The following SHC3 variants were observed in gnomAD, a reference collection of about 807,000 sequenced individuals.
SHC3 encodes the protein SHC-transforming protein 3.
Under a neutral mutation model 60.4 loss-of-function variants are expected in SHC3, and 15 were observed. That is an observed-to-expected ratio of 0.25 (90% CI 0.17 to 0.38). The LOEUF is 0.38. Ranked by LOEUF, SHC3 falls within the 10% of genes least tolerant of loss-of-function variation. The pLI is 1.00. For synonymous variants in SHC3, 294 were observed against 325.9 expected (o/e 0.90, Z 1.05); for missense variants, 677 against 786.1 (o/e 0.86, Z 1.66).
In SHC3 at chr9:89,010,354, A is replaced by C. The variant is rs1825999117; in HGVS notation, c.*3093T>G. On this transcript the variant is annotated 3_prime_UTR_variant, in exon 12 of 12. Coordinates refer to ENST00000375835, the MANE Select transcript of SHC3 (RefSeq NM_016848.6). The stretch of plus-strand genomic sequence containing the variant: ...CTCAGAGGCAGCCTTGGAGGTCAAG[A>C]ATCAAAGCTGACTTAAACCACAATG... The C allele has an allele frequency of 6.6e-6, 1 of 152,232 alleles. No homozygotes were observed. The highest frequency in any genetic ancestry group is 2.4e-5 in the African/African-American group (1 of 41,464). The allele number at this position is 152,232 out of a possible 1,614,324, so 9.4% of individuals were successfully genotyped here. A position where few individuals can be genotyped will look rare whatever the true frequency, so the allele number is the denominator to read the frequency against.
chr9:89,168,594 G>A (rs1156685007), intron 1 of SHC3, among the ~76,000 whole-genome samples: 1 of 152,056 alleles, frequency 6.6e-6, no homozygotes, highest in East Asian at 1.9e-4. Flanking sequence ...ATCCCTACAA[G>A]TGGTTCAGGT....
At chr9:89,042,856 G>A (rs180732562) in intron 9 of SHC3, among the ~76,000 whole-genome samples, 101 of 152,206 alleles carry the variant, frequency 6.6e-4, no homozygotes, top group African/African-American at 2.4e-3. Context: ...GAGACCTAGT[G>A]TGAAAGACCT....
In SHC3 at chr9:89,010,708, C is replaced by A. The variant is rs1472149974; in HGVS notation, c.*2739G>T. On this transcript the variant is annotated 3_prime_UTR_variant, in exon 12 of 12. Coordinates refer to ENST00000375835, the MANE Select transcript of SHC3 (RefSeq NM_016848.6). ...GGCCTAATGCCATTCCCGCTGCGTT[C>A]ATTGTTCAGCTTCCCTGCCCTGCCC... 1.3e-5 allele frequency: 2 copies of A among 152,438 alleles called. No individual in the cohort carries two copies. Among genetic ancestry groups the A allele is most frequent in the African/African-American group, 2.4e-5 (1 of 41,482 alleles). 9.4% of individuals were successfully genotyped at this position (152,438 alleles called of 1,614,324 possible).
At chr9:89,117,648 T>C (rs1038576660) in intron 1 of SHC3, among the ~76,000 whole-genome samples, 16 of 152,174 alleles carry the variant, frequency 1.1e-4, no homozygotes, top group African/African-American at 3.9e-4. Context: ...AATAATCATA[T>C]ATGTTGGTCA....
chr9:89,127,218 A>G (rs1281638125), intron 1 of SHC3, among the ~76,000 whole-genome samples: 1 of 152,036 alleles, frequency 6.6e-6, no homozygotes, highest in Middle Eastern at 3.2e-3. Flanking sequence ...CATTTTTTAA[A>G]TTCTCTTCCC....
In SHC3 at chr9:89,013,369, A is replaced by C. The variant is rs1005948149; in HGVS notation, c.*78T>G. ...GCTCTGAGCCACAGGCAGCTGTCCC[A>C]GTTCCAGCAGCCCCGATTCTAGTCC... On this transcript the variant is annotated 3_prime_UTR_variant, in exon 12 of 12. Coordinates refer to ENST00000375835, the MANE Select transcript of SHC3 (RefSeq NM_016848.6). 2 of 1,389,824 alleles carry C rather than the reference A, an allele frequency of 1.4e-6. No individual in the cohort carries two copies. Among genetic ancestry groups the C allele is most frequent in the Non-Finnish European group, 1.9e-6 (2 of 1,061,516 alleles). 86.1% of individuals were successfully genotyped at this position (1,389,824 alleles called of 1,614,324 possible).
chr9:89,143,582 T>C (rs1826427018), intron 1 of SHC3, among the ~76,000 whole-genome samples: 1 of 152,102 alleles, frequency 6.6e-6, no homozygotes, highest in Non-Finnish European at 1.5e-5. Flanking sequence ...AAACGCATCA[T>C]TGTAGGCAGA....
intron 1 of SHC3, among the ~76,000 whole-genome samples, chr9:89,157,543 T>C (rs7860559): frequency 0.58 from 87,736 of 152,188 alleles, 27,173 homozygotes; most frequent in East Asian, 0.97. Context: ...AAATTTGTGG[T>C]CATTTGTTAG....
chr9:89,155,335 C>T (rs1212355942), intron 1 of SHC3, among the ~76,000 whole-genome samples: 4 of 152,174 alleles, frequency 2.6e-5, no homozygotes, highest in African/African-American at 7.2e-5. Context: ...TCTCTCCTTG[C>T]TCTTACGGAA....
chr9:89,142,048 A>T (rs1260385915), intron 1 of SHC3, among the ~76,000 whole-genome samples: 1 of 152,128 alleles, frequency 6.6e-6, no homozygotes, highest in Non-Finnish European at 1.5e-5. Flanking sequence ...CATCCTGTAC[A>T]TGCCTAATTC....
intron 2 of SHC3, among the ~76,000 whole-genome samples, chr9:89,108,448 G>A (rs1825897263): frequency 6.6e-6 from 1 of 152,082 alleles, no homozygotes; most frequent in Admixed American, 6.5e-5. Flanking sequence ...TTGAGCCTGG[G>A]AGGCAGAGGT....
intron 1 of SHC3, among the ~76,000 whole-genome samples, chr9:89,177,505 G>A (rs1415102832): frequency 6.6e-6 from 1 of 152,212 alleles, no homozygotes. Flanking sequence ...GCAAGGAGCT[G>A]GGAATTCTTG....
At chr9:89,135,606 G>A (rs1372378739) in intron 1 of SHC3, among the ~76,000 whole-genome samples, 1 of 152,066 alleles carries the variant, frequency 6.6e-6, no homozygotes, top group African/African-American at 2.4e-5. Flanking sequence ...ATAATAGAGA[G>A]AGAGAAAAAA....
intron 4 of SHC3, among the ~76,000 whole-genome samples, chr9:89,072,018 A>G (rs1188102695): frequency 1.3e-5 from 2 of 152,162 alleles, no homozygotes; most frequent in Non-Finnish European, 2.9e-5. Context: ...TTGATGCTAA[A>G]TGTTACTTGG....
rs73654726 is a variant in SHC3 at position 89,089,887 on chromosome 9, G to A, written c.546-11984C>T. On this transcript the variant is annotated intron_variant, in intron 2 of 11. Coordinates refer to ENST00000375835, the MANE Select transcript of SHC3 (RefSeq NM_016848.6). ...GGAGTAGGAAGCCCCCAAGGGCCAC[G>A]GCTCAGGCAAGGCAGAGTGCGTCAC... Among the ~76,000 whole-genome samples, 335 of 152,316 alleles carry A rather than the reference G, an allele frequency of 2.2e-3. 1 individual carries two copies. The highest frequency in any genetic ancestry group is 7.8e-3 in the African/African-American group (324 of 41,564).
chr9:89,158,983 T>C (rs1826666464), intron 1 of SHC3, among the ~76,000 whole-genome samples: 1 of 152,124 alleles, frequency 6.6e-6, no homozygotes, highest in African/African-American at 2.4e-5. Context: ...TGGAAACTCA[T>C]AGTAGTCAAG....
At chr9:89,039,720 C>T (rs544550269) in intron 10 of SHC3, among the ~76,000 whole-genome samples, 1 of 152,046 alleles carries the variant, frequency 6.6e-6, no homozygotes, top group South Asian at 2.1e-4. Context: ...ATCACTGTCA[C>T]TACCAGCAAC....
chr9:89,008,897 A>C lies in SHC3; in HGVS notation c.*4550T>G, dbSNP rs1222120984. On this transcript the variant is annotated 3_prime_UTR_variant, in exon 12 of 12. Transcript: ENST00000375835. The stretch of plus-strand genomic sequence containing the variant: ...CCCTACTTCCGGGATCTTCACTCAA[A>C]TAAACTACATAACCTCAAGTCCTCT... 2 of 152,190 alleles carry C rather than the reference A, an allele frequency of 1.3e-5. No homozygotes were observed. Among genetic ancestry groups the C allele is most frequent in the East Asian group, 3.9e-4 (2 of 5,190 alleles). 9.4% of individuals were successfully genotyped at this position (152,190 alleles called of 1,614,324 possible).
intron 1 of SHC3, among the ~76,000 whole-genome samples, chr9:89,155,879 C>G (rs1191050887): frequency 6.6e-6 from 1 of 152,132 alleles, no homozygotes; most frequent in Non-Finnish European, 1.5e-5. Context: ...GAAAATTGTC[C>G]CTATTAAGCT....
Sources: allele counts gnomAD v4.1 joint callset (sites outside exome capture counted in the v4.1 genomes callset), GRCh38; gene constraint gnomAD v4.1.1; transcripts MANE v1.5; gene names NCBI Gene and HGNC (gene_info 2026-07-23, HGNC 2026-07-21).